Variants in DGCR2 observed in about 807,000 individuals in gnomAD.
DGCR2 encodes DiGeorge syndrome critical region gene 2.
DGCR2 carries 24 observed loss-of-function variants against 51.6 expected under a neutral mutation model. The observed-to-expected ratio is 0.47, with a 90% CI of 0.34 to 0.65. The LOEUF (loss-of-function observed/expected upper bound fraction) is 0.65. Among genes scored for constraint, DGCR2 ranks in the 30% least tolerant of loss-of-function variants. DGCR2 has a pLI of 0.01. For synonymous variants in DGCR2, 340 were observed against 315.4 expected (o/e 1.08, Z -0.82); for missense variants, 765 against 772.1 (o/e 0.99, Z 0.11).
chr22:19,082,807 C>T (rs540876402), intron 2 of DGCR2, among the ~76,000 whole-genome samples: 18 of 151,704 alleles, frequency 1.2e-4, no homozygotes, highest in African/African-American at 4.1e-4. Context: ...AAAAAGGTGG[C>T]TGGGCGCAGT....
intron 1 of DGCR2, among the ~76,000 whole-genome samples, chr22:19,093,746 C>G (rs2083106405): frequency 2.0e-5 from 3 of 152,078 alleles, no homozygotes; most frequent in African/African-American, 7.2e-5. Flanking sequence ...CCTGTAATCC[C>G]AACACTTTAG....
intron 1 of DGCR2, among the ~76,000 whole-genome samples, chr22:19,091,061 A>T (rs2083072876): frequency 8.0e-6 from 1 of 124,426 alleles, no homozygotes; most frequent in East Asian, 2.2e-4. Flanking sequence ...ATCAAAGGAT[A>T]GCTGGAAGGG....
chr22:19,098,236 C>T (rs1048452584), intron 1 of DGCR2, among the ~76,000 whole-genome samples: 2 of 152,158 alleles, frequency 1.3e-5, no homozygotes, highest in Non-Finnish European at 2.9e-5. Context: ...CTCCAGGAAC[C>T]CCTCCCCAAA....
Position 19,041,966 on chromosome 22 carries a change from G to A in DGCR2, c.1007-7C>T. 1.2e-6 allele frequency: 2 copies of A among 1,611,350 alleles called. No homozygotes were observed. Among genetic ancestry groups the A allele is most frequent in the Non-Finnish European group, 1.7e-6 (2 of 1,179,090 alleles). On this transcript the variant is annotated splice_polypyrimidine_tract_variant and splice_region_variant and intron_variant, in intron 7 of 9. Transcript: ENST00000263196. The stretch of plus-strand genomic sequence containing the variant: ...TCAAACAGACTGTTGCCATCTGAGG[G>A]GGAGGGGAGGAAATGGCCGCTCTGA...
intron 2 of DGCR2, among the ~76,000 whole-genome samples, chr22:19,088,852 G>A (rs955006365): frequency 1.3e-5 from 2 of 152,174 alleles, no homozygotes; most frequent in Non-Finnish European, 2.9e-5. Flanking sequence ...CTGGTTCTCC[G>A]ATTTAGCCTT....
chr22:19,051,682 C>A (rs577056371), intron 6 of DGCR2, among the ~76,000 whole-genome samples: 5 of 152,306 alleles, frequency 3.3e-5, no homozygotes, highest in Admixed American at 2.0e-4. Flanking sequence ...ACTATGATTG[C>A]ACCACTGCGT....
At chr22:19,114,372 T>C (rs956189533) in intron 1 of DGCR2, among the ~76,000 whole-genome samples, 4 of 152,270 alleles carry the variant, frequency 2.6e-5, no homozygotes, top group African/African-American at 9.6e-5. Flanking sequence ...TGGCTTACCA[T>C]GCTGGTCTAG....
In DGCR2 at chr22:19,089,399, G is replaced by A. The variant is rs144823573; in HGVS notation, c.171C>T (p.Cys57=). 1.3e-4 allele frequency: 217 copies of A among 1,610,300 alleles called. 1 individual carries two copies. In the Middle Eastern group the frequency reaches 2.0e-3, roughly 15 times the overall value. The change falls in exon 2 of 10, where the codon TGC becomes TGT. Residue 57 remains cysteine (C), a synonymous_variant. Coordinates refer to ENST00000263196, the MANE Select transcript of DGCR2 (RefSeq NM_005137.3). ...LPWQCDGWAT[C]EDESDEANCP... ...AGTTGGCTTCGTCGCTCTCATCCTC[G>A]CAAGTCGCCCAGCCGTCACACTGCC...
chr22:19,038,972 C>T lies in DGCR2; in HGVS notation c.1546G>A (p.Ala516Thr), dbSNP rs752129366. 4.3e-6 allele frequency: 7 copies of T among 1,611,496 alleles called. No homozygotes were observed. Among genetic ancestry groups the T allele is most frequent in the South Asian group, 1.1e-5 (1 of 90,894 alleles). The change falls in exon 10 of 10, where the codon GCC (alanine) becomes ACC (threonine). Residue 516 changes from alanine (A) to threonine (T), a missense_variant. Physicochemically the swap from Ala to Thr is moderately conservative, Grantham distance 58 (BLOSUM62 0). Transcript: ENST00000263196. Reference protein sequence around the residue: ...DLEDSADSSSALLVPPDPAQS... With the variant: ...DLEDSADSSSTLLVPPDPAQS... ...GCAGGGTCAGGGGGCACGAGCAGGGCGCTGCTGCTGTCGGCAGAGTCTTCC... is the reference window on the plus strand; with the variant it reads ...GCAGGGTCAGGGGGCACGAGCAGGGTGCTGCTGCTGTCGGCAGAGTCTTCC...
intron 6 of DGCR2, among the ~76,000 whole-genome samples, chr22:19,049,434 G>C (rs1417755427): frequency 1.3e-5 from 2 of 152,176 alleles, no homozygotes; most frequent in Non-Finnish European, 2.9e-5. Context: ...AAGGCAAAGA[G>C]ACATGAGAAG....
intron 7 of DGCR2, among the ~76,000 whole-genome samples, chr22:19,042,660 C>T (rs1243712266): frequency 1.3e-5 from 2 of 152,114 alleles, no homozygotes; most frequent in African/African-American, 2.4e-5. Context: ...GAGGACCTGC[C>T]GCAGCAGAGA....
At chr22:19,092,515 A>C (rs935078334) in intron 1 of DGCR2, among the ~76,000 whole-genome samples, 7 of 152,196 alleles carry the variant, frequency 4.6e-5, no homozygotes, top group Non-Finnish European at 8.8e-5. Flanking sequence ...TGAAATGCAA[A>C]GTTCACTCCA....
chr22:19,090,606 A>C (rs772446730), intron 1 of DGCR2, among the ~76,000 whole-genome samples: 6 of 152,252 alleles, frequency 3.9e-5, no homozygotes, highest in Non-Finnish European at 5.9e-5. Context: ...TAACATACAC[A>C]GAAGTAAAAT....
chr22:19,087,349 T>G (rs2083028424), intron 2 of DGCR2, among the ~76,000 whole-genome samples: 1 of 152,190 alleles, frequency 6.6e-6, no homozygotes. Context: ...TGATGAAGAA[T>G]GGGCTCCAGA....
rs936657060 is a variant in DGCR2 at position 19,122,373 on chromosome 22, G to A, written c.-167C>T. 4 of 495,844 alleles carry A rather than the reference G, an allele frequency of 8.1e-6. No homozygotes were observed. The highest frequency in any genetic ancestry group is 6.0e-5 in the South Asian group (2 of 33,136). 30.7% of individuals were successfully genotyped at this position (495,844 alleles called of 1,614,324 possible). ...GGGCCGCGGGCTGGCGCACACTCTC[G>A]GCTGCAACCTCAGGCACCGACTCCA... On this transcript the variant is annotated 5_prime_UTR_variant, in exon 1 of 10. Coordinates refer to ENST00000263196, the MANE Select transcript of DGCR2 (RefSeq NM_005137.3).
chr22:19,114,152 GA>G (rs74403708), intron 1 of DGCR2, among the ~76,000 whole-genome samples: 154 of 114,806 alleles, frequency 1.3e-3, no homozygotes, highest in Admixed American at 2.2e-3. Context: ...GTTACCAAAG[GA>G]AAAAAAAAAA....
At chr22:19,119,605 G>GT (rs1193144037) in intron 1 of DGCR2, among the ~76,000 whole-genome samples, 3 of 152,084 alleles carry the variant, frequency 2.0e-5, no homozygotes, top group African/African-American at 7.2e-5. Flanking sequence ...GCGTGGAGGC[G>GT]TATGCCTGTA....
Position 19,064,831 on chromosome 22 carries a change from C to T in DGCR2, c.548+17G>A, listed in dbSNP as rs1432254767. ...GACTCTGACTCCAGCCCCTCAGGTC[C>T]CCAATCCAGGACTCACTTGCGCTGG... On this transcript the variant is annotated intron_variant, in intron 4 of 9. Transcript: ENST00000263196. 1 of 1,609,870 alleles carries T rather than the reference C, an allele frequency of 6.2e-7. No individual in the cohort carries two copies. Among genetic ancestry groups the T allele is most frequent in the East Asian group, 2.2e-5 (1 of 44,822 alleles).
At chr22:19,063,892 G>C (rs913375597) in intron 4 of DGCR2, among the ~76,000 whole-genome samples, 3 of 152,200 alleles carry the variant, frequency 2.0e-5, no homozygotes, top group Non-Finnish European at 4.4e-5. Flanking sequence ...CCACAGGGGA[G>C]ATTTTCATGG....
Sources: allele counts gnomAD v4.1 joint callset (sites outside exome capture counted in the v4.1 genomes callset), GRCh38; gene constraint gnomAD v4.1.1; transcripts MANE v1.5; gene names NCBI Gene and HGNC (gene_info 2026-07-23, HGNC 2026-07-21).